HDAC4: variants seen among roughly 807,000 people sequenced by gnomAD.
HDAC4 encodes the protein histone deacetylase A.
A neutral mutation model predicts 135.1 loss-of-function variants in HDAC4; 16 were observed. That is an observed-to-expected ratio of 0.12 (90% CI 0.08 to 0.18). HDAC4 has a LOEUF of 0.18. Among genes scored for constraint, HDAC4 ranks in the 10% least tolerant of loss-of-function variants. The pLI, the probability that HDAC4 is intolerant of heterozygous loss-of-function variation, is 1.00. For synonymous variants in HDAC4, 685 were observed against 653.4 expected, an observed-to-expected ratio of 1.05 and a Z score of -0.74; for missense variants, 1,143 against 1,511.8, an observed-to-expected ratio of 0.76 and a Z score of 4.05.
chr2:239,105,961 G>A (rs1326934372), intron 15 of HDAC4, among the ~76,000 whole-genome samples: 2 of 152,192 alleles, frequency 1.3e-5, no homozygotes, highest in South Asian at 2.1e-4. Context: ...GCTGCCCCAC[G>A]TGTGGGAGCA....
At chr2:239,085,961 A>G (rs1348444421) in intron 19 of HDAC4, 1 of 127,948 alleles carries the variant, frequency 7.8e-6, no homozygotes, top group African/African-American at 3.1e-5. Flanking sequence ...TCGCACGTAC[A>G]GTCTCTTCCC....
At chr2:239,147,890 A>C (rs138756130) in intron 7 of HDAC4, among the ~76,000 whole-genome samples, 1 of 152,202 alleles carries the variant, frequency 6.6e-6, no homozygotes, top group African/African-American at 2.4e-5. Context: ...GCCAGAAGCA[A>C]TTCTGATGGA....
intron 2 of HDAC4, among the ~76,000 whole-genome samples, chr2:239,263,669 G>C (rs184683622): frequency 6.6e-6 from 1 of 152,268 alleles, no homozygotes; most frequent in East Asian, 1.9e-4. Flanking sequence ...GAATAAACAG[G>C]GTCAGGACAG....
At chr2:239,094,615 C>T in intron 17 of HDAC4, 1 of 1,144,118 alleles carries the variant, frequency 8.7e-7, no homozygotes, top group Non-Finnish European at 1.1e-6. Flanking sequence ...GGGAGCCCCA[C>T]CTGTAGCTTC....
intron 2 of HDAC4, among the ~76,000 whole-genome samples, chr2:239,249,100 G>A (rs1675511948): frequency 6.6e-6 from 1 of 152,228 alleles, no homozygotes; most frequent in Non-Finnish European, 1.5e-5. Flanking sequence ...CCTGTGAGGT[G>A]GTGGCATTTG....
intron 7 of HDAC4, among the ~76,000 whole-genome samples, chr2:239,156,199 T>TA: frequency 6.6e-6 from 1 of 152,298 alleles, no homozygotes; most frequent in East Asian, 1.9e-4. Context: ...TTCTTTCTCA[T>TA]AAAGATTTCC....
intron 12 of HDAC4, among the ~76,000 whole-genome samples, chr2:239,122,952 A>G (rs990271950): frequency 6.6e-6 from 1 of 152,188 alleles, no homozygotes; most frequent in Non-Finnish European, 1.5e-5. Flanking sequence ...TCATCCTCCA[A>G]GAGGAAGGGC....
At chr2:239,358,547 C>G (rs569750856) in intron 1 of HDAC4, among the ~76,000 whole-genome samples, 2 of 152,266 alleles carry the variant, frequency 1.3e-5, no homozygotes, top group South Asian at 4.1e-4. Flanking sequence ...GCTAGGTGTG[C>G]TAACTGCTGC....
chr2:239,192,409 G>A (rs2045048170), intron 3 of HDAC4, among the ~76,000 whole-genome samples: 2 of 152,162 alleles, frequency 1.3e-5, no homozygotes, highest in Non-Finnish European at 2.9e-5. Context: ...CGTAAGCAAT[G>A]CTGGTTTTAT....
At chr2:239,322,509 C>T (rs1244391933) in intron 2 of HDAC4, among the ~76,000 whole-genome samples, 1 of 152,240 alleles carries the variant, frequency 6.6e-6, no homozygotes, top group Non-Finnish European at 1.5e-5. Context: ...AGGGCAGACT[C>T]CATCACTGCC....
intron 2 of HDAC4, among the ~76,000 whole-genome samples, chr2:239,256,307 T>C (rs868666498): frequency 5.9e-5 from 9 of 152,326 alleles, no homozygotes; most frequent in African/African-American, 1.9e-4. Context: ...TCTGCAGAGG[T>C]CTGGCTTTAA....
At chr2:239,317,773 C>A (rs1172723952) in intron 2 of HDAC4, among the ~76,000 whole-genome samples, 1 of 152,188 alleles carries the variant, frequency 6.6e-6, no homozygotes, top group Non-Finnish European at 1.5e-5. Context: ...CAACTTTAAG[C>A]CAACGACAGA....
intron 7 of HDAC4, among the ~76,000 whole-genome samples, chr2:239,156,102 TA>T (rs1335637395): frequency 3.3e-5 from 5 of 152,258 alleles, no homozygotes. Flanking sequence ...TGCTTGTGCC[TA>T]AATGCCCTTC....
intron 2 of HDAC4, among the ~76,000 whole-genome samples, chr2:239,330,175 T>TGGAGAGCCATG (rs1248703681): frequency 6.6e-6 from 1 of 152,162 alleles, no homozygotes; most frequent in Non-Finnish European, 1.5e-5. Context: ...TACAGCTGCC[T>TGGAGAGCCATG]GGAGAGCCAT....
chr2:239,280,076 G>A (rs975066717), intron 2 of HDAC4, among the ~76,000 whole-genome samples: 10 of 152,054 alleles, frequency 6.6e-5, no homozygotes, highest in African/African-American at 2.2e-4. Flanking sequence ...ATTCCAGCTC[G>A]TCAGCTAAGA....
chr2:239,190,137 A>G, intron 3 of HDAC4, 60 bp from the exon 4 acceptor site: 1 of 1,514,794 alleles, frequency 6.6e-7, no homozygotes, highest in Non-Finnish European at 8.8e-7. Context: ...CCTGGGCCCC[A>G]GAGCCCCCAC....
At chr2:239,111,018 G>A (rs2038619493) in intron 14 of HDAC4, among the ~76,000 whole-genome samples, 1 of 152,366 alleles carries the variant, frequency 6.6e-6, no homozygotes, top group African/African-American at 2.4e-5. Context: ...TGGTATGAGG[G>A]ATGGCACAGA....
chr2:239,389,020 G>A (rs929317316), intron 1 of HDAC4, among the ~76,000 whole-genome samples: 2 of 152,206 alleles, frequency 1.3e-5, no homozygotes, highest in African/African-American at 4.8e-5. Context: ...GGATTGAGAG[G>A]TGAAGCCAGC....
At chr2:239,244,572 C>T (rs1401092857) in intron 2 of HDAC4, among the ~76,000 whole-genome samples, 2 of 152,102 alleles carry the variant, frequency 1.3e-5, no homozygotes, top group Non-Finnish European at 2.9e-5. Flanking sequence ...CACTCTGATG[C>T]CCTTGTTCAA....
Sources: allele counts gnomAD v4.1 joint callset (sites outside exome capture counted in the v4.1 genomes callset), GRCh38; gene constraint gnomAD v4.1.1; transcripts MANE v1.5; gene names NCBI Gene and HGNC (gene_info 2026-07-23, HGNC 2026-07-21).